Variants in ZIM2 observed in about 807,000 individuals in gnomAD.
ZIM2 encodes the protein zinc finger protein 656.
ZIM2 carries 14 observed loss-of-function variants against 38.6 expected under a neutral mutation model. That is an observed-to-expected ratio of 0.36 (90% CI 0.24 to 0.57). The LOEUF (loss-of-function observed/expected upper bound fraction) is 0.57. ZIM2 is among the 20% of genes least tolerant of loss of function. The pLI is 0.81. For synonymous variants in ZIM2, 247 were observed against 245.8 expected, an observed-to-expected ratio of 1.00 and a Z score of -0.04; for missense variants, 680 against 695.1, an observed-to-expected ratio of 0.98 and a Z score of 0.24.
chr19:56,801,032 T>C (rs909582381), intron 9 of ZIM2, among the ~76,000 whole-genome samples: 1 of 149,978 alleles, frequency 6.7e-6, no homozygotes, highest in Non-Finnish European at 1.5e-5. Context: ...GCCTCCCAGG[T>C]TCAAGCAATT....
intron 9 of ZIM2, chr19:56,798,006 G>A (rs900038567): frequency 2.0e-5 from 3 of 152,272 alleles, no homozygotes; most frequent in African/African-American, 7.2e-5. Context: ...TGAATCTGCT[G>A]TTATTAAGTT....
At chr19:56,826,191 T>C (rs2061011950) in intron 3 of ZIM2, among the ~76,000 whole-genome samples, 197 bp downstream of exon 3, 1 of 152,106 alleles carries the variant, frequency 6.6e-6, no homozygotes, top group Non-Finnish European at 1.5e-5. Context: ...CTCCAGATGA[T>C]TGGTGTGACA....
intron 9 of ZIM2, chr19:56,816,642 A>C: frequency 6.2e-7 from 1 of 1,613,654 alleles, no homozygotes; most frequent in Non-Finnish European, 8.5e-7. Context: ...GCTCACGTTC[A>C]CGTTCACGTT....
At chr19:56,821,446 G>A (rs1170740286) in intron 7 of ZIM2, among the ~76,000 whole-genome samples, 1 of 152,138 alleles carries the variant, frequency 6.6e-6, no homozygotes, top group African/African-American at 2.4e-5. Context: ...GAGCTCCTCT[G>A]ACCACATGAA....
chr19:56,811,311 G>T, intron 9 of ZIM2: 1 of 901,406 alleles, frequency 1.1e-6, no homozygotes. Context: ...CAGTTATAAT[G>T]AACTGTTTAA....
intron 7 of ZIM2, among the ~76,000 whole-genome samples, chr19:56,821,340 A>C (rs1405078641): frequency 2.6e-5 from 4 of 152,160 alleles, no homozygotes; most frequent in African/African-American, 9.7e-5. Flanking sequence ...CCTCCTGAGG[A>C]CCAGAAACAT....
In ZIM2 at chr19:56,814,668, C is replaced by T; in HGVS notation, c.490+3078G>A. The T allele has an allele frequency of 6.2e-7, 1 of 1,614,128 alleles. No individual in the cohort carries two copies. The highest frequency in any genetic ancestry group is 8.5e-7 in the Non-Finnish European group (1 of 1,180,024). On this transcript the variant is annotated intron_variant, in intron 9 of 12. Transcript: ENST00000629319. The surrounding 1 kb of genome is among the most constrained non-coding windows in gnomAD (Gnocchi z 5.8). Reference sequence around the variant, plus strand: ...AGCCTGGAATGATAGCTTCCTCAGCCATCTGGCTCTGCTCCAGTAAATCAT... The same window carrying T: ...AGCCTGGAATGATAGCTTCCTCAGCTATCTGGCTCTGCTCCAGTAAATCAT...
chr19:56,816,112 G>C lies in ZIM2; in HGVS notation c.490+1634C>G, dbSNP rs558472390. The C allele has an allele frequency of 1.3e-5, 21 of 1,612,330 alleles. No individual in the cohort carries two copies. Among genetic ancestry groups the C allele is most frequent in the South Asian group, 8.8e-5 (8 of 90,898 alleles). On this transcript the variant is annotated intron_variant, in intron 9 of 12. Coordinates refer to ENST00000629319, the MANE Select transcript of ZIM2 (RefSeq NM_001387356.1). ...CACAGAGGCTAAGCTATGAATAACA[G>C]ACCTCTCATATGATTTTGCCTCATA... is the stretch of plus-strand genomic sequence containing the variant.
intron 9 of ZIM2, among the ~76,000 whole-genome samples, chr19:56,808,573 C>A (rs2047881870): frequency 6.6e-6 from 1 of 151,872 alleles, no homozygotes; most frequent in Non-Finnish European, 1.5e-5. Context: ...GGTACCAGTC[C>A]TGGCTTCTTC....
At chr19:56,817,370 C>T (rs767795478) in intron 9 of ZIM2, 3 of 1,613,894 alleles carry the variant, frequency 1.9e-6, no homozygotes, top group Admixed American at 3.3e-5. Flanking sequence ...ATCACTGACT[C>T]CCTCTTGTTC....
At chr19:56,838,118 C>T (rs1025967620) in intron 1 of ZIM2, among the ~76,000 whole-genome samples, 1 of 152,228 alleles carries the variant, frequency 6.6e-6, no homozygotes, top group Non-Finnish European at 1.5e-5. Flanking sequence ...ACAGAGTGGG[C>T]GGGGCCATGC....
chr19:56,828,507 ACAGT>A (rs2061275896), intron 2 of ZIM2, among the ~76,000 whole-genome samples: 1 of 152,192 alleles, frequency 6.6e-6, no homozygotes, highest in South Asian at 2.1e-4. Flanking sequence ...GAGAACAGGG[ACAGT>A]CAAACAAATG....
intron 10 of ZIM2, among the ~76,000 whole-genome samples, chr19:56,786,411 T>A (rs1260458702): frequency 6.6e-6 from 1 of 152,144 alleles, no homozygotes; most frequent in Non-Finnish European, 1.5e-5. Flanking sequence ...TAGACGTTGG[T>A]GAATAAACAA....
intron 9 of ZIM2, among the ~76,000 whole-genome samples, chr19:56,793,647 A>G (rs2047053009): frequency 6.6e-6 from 1 of 152,232 alleles, no homozygotes; most frequent in Non-Finnish European, 1.5e-5. Context: ...ATAGGAATTA[A>G]AACCCCAATA....
intron 3 of ZIM2, chr19:56,824,875 A>C: frequency 1.9e-6 from 1 of 530,294 alleles, no homozygotes. Context: ...CAACCGCACA[A>C]AGTTGGCCTC....
intron 9 of ZIM2, chr19:56,816,079 T>C (rs2059951152): frequency 6.2e-7 from 1 of 1,603,796 alleles, no homozygotes; most frequent in Non-Finnish European, 8.5e-7. Flanking sequence ...GTGACTTTTC[T>C]GAGCTTCCAC....
intron 1 of ZIM2, among the ~76,000 whole-genome samples, chr19:56,837,391 A>G (rs2062272714): frequency 6.6e-6 from 1 of 152,094 alleles, no homozygotes; most frequent in South Asian, 2.1e-4. Flanking sequence ...GAGTCTCCAA[A>G]TCACCTAGAC....
intron 9 of ZIM2, chr19:56,813,849 G>C (rs779244604): frequency 1.2e-6 from 2 of 1,614,178 alleles, no homozygotes; most frequent in Admixed American, 1.7e-5. Flanking sequence ...GCTCAAATAT[G>C]ATCATGCTGG....
intron 3 of ZIM2, among the ~76,000 whole-genome samples, chr19:56,826,084 A>G (rs2061000187): frequency 6.6e-6 from 1 of 152,188 alleles, no homozygotes; most frequent in Admixed American, 6.5e-5. Context: ...GCCTTCCTTC[A>G]TAGGACTGAG....
Sources: gnomAD v4.1 joint callset for allele counts (sites outside exome capture counted in the v4.1 genomes callset) on GRCh38, gnomAD v4.1.1 for gene constraint, Gnocchi (gnomAD v3.1) non-coding constraint, MANE v1.5 for transcripts, NCBI Gene and HGNC (gene_info 2026-07-23, HGNC 2026-07-21) for gene names.